ELAC2: variants seen among roughly 807,000 people sequenced by gnomAD.
ELAC2 encodes the protein zinc phosphodiesterase ELAC protein 2.
ELAC2 carries 92 observed loss-of-function variants against 105.2 expected under a neutral mutation model. The ratio of observed to expected loss-of-function variants is 0.87; its 90% CI spans 0.74 to 1.04. The LOEUF (loss-of-function observed/expected upper bound fraction) is 1.04, where lower values mean the gene tolerates loss of function less well. ELAC2 is among the 50% of genes least tolerant of loss of function. The probability of loss-of-function intolerance (pLI) is 0.00; values close to 1 mark genes in which losing one functional copy is unlikely to be tolerated. For synonymous variants in ELAC2, 468 were observed against 409.1 expected (o/e 1.14, Z -1.74); for missense variants, 1,099 against 1,071.7 (o/e 1.03, Z -0.36).
chr17:13,011,218 C>A (rs8071615), intron 7 of ELAC2, among the ~76,000 whole-genome samples: 41,744 of 152,130 alleles, frequency 0.27, 5,917 homozygotes, highest in Middle Eastern at 0.33. Flanking sequence ...AGCTACATCT[C>A]ATCTTGGACT....
rs1490658781 is a variant in ELAC2 at position 13,000,008 on chromosome 17, T to C, written c.1423+148A>G. On this transcript the variant is annotated intron_variant, in intron 15 of 23. Transcript: ENST00000338034. ...AAGCCCCCTCCTCCAATGACTATAA[T>C]TCTAATGTAGAGCTGAGTAGAGAAG... The C allele has an allele frequency of 4.7e-5, 34 of 729,866 alleles. 1 individual carries two copies. The highest frequency in any genetic ancestry group is 4.4e-4 in the Admixed American group (19 of 43,028). 45.2% of individuals were successfully genotyped at this position (729,866 alleles called of 1,614,324 possible).
intron 6 of ELAC2, 86 bp downstream of exon 6, chr17:13,013,121 G>C (rs2041514848): frequency 6.8e-7 from 1 of 1,473,396 alleles, no homozygotes; most frequent in Non-Finnish European, 9.4e-7. Flanking sequence ...GGTGCCCACA[G>C]CAAGTGTTCA....
chr17:12,998,520 T>C lies in ELAC2; in HGVS notation c.1424-12A>G. ...CTGACTTCTTTTCTCTGTGAAAAAA[T>C]CCATGTGAAACAATCCATTCCTTTG... On this transcript the variant is annotated splice_polypyrimidine_tract_variant and intron_variant, in intron 15 of 23. Transcript: ENST00000338034. 1.9e-6 allele frequency: 3 copies of C among 1,611,858 alleles called. No individual in the cohort carries two copies. Among genetic ancestry groups the C allele is most frequent in the Non-Finnish European group, 2.5e-6 (3 of 1,178,024 alleles).
intron 8 of ELAC2, among the ~76,000 whole-genome samples, chr17:13,007,835 G>A (rs1320316697): frequency 9.9e-5 from 15 of 151,772 alleles, no homozygotes; most frequent in Admixed American, 7.2e-4. Context: ...CTAAGATTGC[G>A]CCACCGCACT....
chr17:13,006,024 A>C, intron 8 of ELAC2, 45 bp from the exon 9 acceptor site: 1 of 1,584,542 alleles, frequency 6.3e-7, no homozygotes, highest in African/African-American at 1.3e-5. Context: ...GCTAATGAAG[A>C]AGGTTGGTTT....
rs761089421 is a variant in ELAC2 at position 13,010,596 on chromosome 17, C to T, written c.738+17G>A. On this transcript the variant is annotated intron_variant, in intron 8 of 23. Coordinates refer to ENST00000338034, the MANE Select transcript of ELAC2 (RefSeq NM_018127.7). The stretch of plus-strand genomic sequence containing the variant: ...AAGACCCCAGTCATGTACAGCCCTC[C>T]GGAAAGTCTTCCTTACCTTACAGAT... The T allele has an allele frequency of 1.6e-5, 26 of 1,613,468 alleles. No homozygotes were observed. Among genetic ancestry groups the T allele is most frequent in the East Asian group, 1.3e-4 (6 of 44,892 alleles).
chr17:13,012,119 C>T (rs969939436), intron 6 of ELAC2, among the ~76,000 whole-genome samples: 1 of 152,064 alleles, frequency 6.6e-6, no homozygotes, highest in East Asian at 1.9e-4. Context: ...CAAGAAGGAG[C>T]CTCATTTTAC....
intron 3 of ELAC2, among the ~76,000 whole-genome samples, chr17:13,016,316 A>G (rs186082264): frequency 1.3e-5 from 2 of 152,348 alleles, no homozygotes; most frequent in East Asian, 1.9e-4. Context: ...TGCGGTAAAC[A>G]TATTAACTGT....
intron 4 of ELAC2, among the ~76,000 whole-genome samples, chr17:13,014,791 A>G (rs2041629388): frequency 6.6e-6 from 1 of 152,234 alleles, no homozygotes; most frequent in Non-Finnish European, 1.5e-5. Flanking sequence ...AGGAAAATGA[A>G]AAATACAGAA....
At chr17:13,004,716 G>C (rs891268277) in intron 11 of ELAC2, among the ~76,000 whole-genome samples, 9 of 152,202 alleles carry the variant, frequency 5.9e-5, no homozygotes, top group Admixed American at 3.3e-4. Context: ...AAAAGTTCTA[G>C]AATTTCTTCT....
chr17:13,006,096 C>G, intron 8 of ELAC2, 117 bp from the exon 9 acceptor site: 1 of 1,027,148 alleles, frequency 9.7e-7, no homozygotes, highest in Non-Finnish European at 1.5e-6. Flanking sequence ...GTTGGCCAGG[C>G]ACGGTGGCTC....
chr17:13,014,089 C>T (rs914572305), intron 5 of ELAC2, among the ~76,000 whole-genome samples: 4 of 151,934 alleles, frequency 2.6e-5, no homozygotes, highest in African/African-American at 4.8e-5. Context: ...GTCAAGAGAT[C>T]GAGACTATCC....
At chr17:12,996,807 G>C (rs1180971799) in intron 16 of ELAC2, 122 bp from the exon 17 acceptor site, 4 of 1,305,340 alleles carry the variant, frequency 3.1e-6, no homozygotes, top group Non-Finnish European at 4.3e-6. Context: ...CTCCTGCTTT[G>C]CTTTGAGGAG....
At chr17:13,017,566 C>G (rs2041814369) in intron 1 of ELAC2, 137 bp downstream of exon 1, 4 of 1,470,966 alleles carry the variant, frequency 2.7e-6, no homozygotes, top group Non-Finnish European at 3.7e-6. Context: ...TTCCCACCCA[C>G]CATAACTCCA....
intron 14 of ELAC2, 38 bp downstream of exon 14, chr17:13,002,236 C>T (rs997658974): frequency 9.3e-6 from 15 of 1,608,650 alleles, no homozygotes; most frequent in African/African-American, 4.0e-5. Flanking sequence ...TTTCCCAACT[C>T]GACTGAGACG....
At chr17:12,995,118 C>T in intron 19 of ELAC2, 56 bp from the exon 20 acceptor site, 1 of 1,585,810 alleles carries the variant, frequency 6.3e-7, no homozygotes, top group South Asian at 1.1e-5. Flanking sequence ...ACATCTGGAA[C>T]CAAAGTTTAA....
rs766710377 is a variant in ELAC2, at chr17:13,005,121, C to T, written c.871-20G>A. On this transcript the variant is annotated intron_variant, in intron 10 of 23. Transcript: ENST00000338034. ...CAAAATCTGCAAAACCAAATAAGCC[C>T]GCCCACTGGGGGTCACAGCTCAGCC... 2.7e-5 allele frequency: 43 copies of T among 1,568,548 alleles called. No individual in the cohort carries two copies. Among genetic ancestry groups the T allele is most frequent in the Middle Eastern group, 1.7e-4 (1 of 6,038 alleles).
chr17:12,997,165 G>A (rs1177542908), intron 16 of ELAC2, among the ~76,000 whole-genome samples: 4 of 152,072 alleles, frequency 2.6e-5, no homozygotes, highest in Admixed American at 2.0e-4. Context: ...GGTGCAGGGC[G>A]GGCTGCAGGT....
At chr17:13,016,784 G>C in intron 3 of ELAC2, 78 bp downstream of exon 3, 8 of 1,309,192 alleles carry the variant, frequency 6.1e-6, no homozygotes, top group South Asian at 1.2e-5. Context: ...GCCCACCCCA[G>C]ACTTGGAAAA....
Sources: allele counts gnomAD v4.1 joint callset (sites outside exome capture counted in the v4.1 genomes callset), GRCh38; gene constraint gnomAD v4.1.1; transcripts MANE v1.5; gene names NCBI Gene and HGNC (gene_info 2026-07-23, HGNC 2026-07-21).